L3MBTL1: variants seen among roughly 807,000 people sequenced by gnomAD.
L3MBTL1 encodes lethal(3)malignant brain tumor-like protein 1.
Under a neutral mutation model 105.3 loss-of-function variants are expected in L3MBTL1, and 75 were observed. The ratio of observed to expected loss-of-function variants is 0.71; its 90% CI spans 0.59 to 0.86. The LOEUF (loss-of-function observed/expected upper bound fraction) is 0.86. Ranked by LOEUF, L3MBTL1 falls within the 40% of genes least tolerant of loss-of-function variation. The probability of loss-of-function intolerance (pLI) is 0.00; values close to 1 mark genes in which losing one functional copy is unlikely to be tolerated. For missense variants in L3MBTL1, 1,069 were observed against 1,126.4 expected (o/e 0.95, Z 0.73); for synonymous variants, 452 against 436.2 (o/e 1.04, Z -0.45).
At chr20:43,546,297 G>C (rs1466899713), downstream of L3MBTL1, among the ~76,000 whole-genome samples, 1 of 152,206 alleles carries the variant, frequency 6.6e-6, no homozygotes, top group Non-Finnish European at 1.5e-5. Context: ...GGCCAGGCTT[G>C]GGCAGCATTG....
intron 7 of L3MBTL1, among the ~76,000 whole-genome samples, chr20:43,518,368 A>G (rs558217866): frequency 6.6e-6 from 1 of 152,242 alleles, no homozygotes; most frequent in East Asian, 1.9e-4. Context: ...TGTTCAATTC[A>G]CGTCCCACAG....
chr20:43,546,413 T>G (rs972535208), downstream of L3MBTL1, among the ~76,000 whole-genome samples: 20 of 152,196 alleles, frequency 1.3e-4, no homozygotes, highest in Admixed American at 3.9e-4. Context: ...TTGGGCAAAT[T>G]CTGTAGCCTG....
Position 43,514,171 on chromosome 20 carries a change from A to T in L3MBTL1, c.360+110A>T. On this transcript the variant is annotated intron_variant, in intron 3 of 21. Coordinates refer to ENST00000418998, the MANE Select transcript of L3MBTL1 (RefSeq NM_001377303.1). Reference sequence around the variant, plus strand: ...GAAGTGGGGGAAGCTGGCTCAGATGATGGGCCCTAGGGGTGGGCTTTGAGT... The same window carrying T: ...GAAGTGGGGGAAGCTGGCTCAGATGTTGGGCCCTAGGGGTGGGCTTTGAGT... 5 of 1,007,066 alleles carry T rather than the reference A, an allele frequency of 5.0e-6. No homozygotes were observed. The South Asian group carries it at 5.9e-5, about 12-fold the overall frequency. The allele number at this position is 1,007,066 out of a possible 1,614,324, so 62.4% of individuals were successfully genotyped here.
rs757497391 is a variant in L3MBTL1 at position 43,534,816 on chromosome 20, T to G, written c.1711-12T>G. 1.3e-6 allele frequency: 2 copies of G among 1,599,004 alleles called. No individual in the cohort carries two copies. The highest frequency in any genetic ancestry group is 3.5e-5 in the Admixed American group (2 of 57,620). ...GAGAAACGCCTGACTTCCAAGAGCC[T>G]TTCCTCCCCAGATCCACTTTGATGG... On this transcript the variant is annotated splice_polypyrimidine_tract_variant and intron_variant, in intron 15 of 21. Coordinates refer to ENST00000418998, the MANE Select transcript of L3MBTL1 (RefSeq NM_001377303.1).
In L3MBTL1 at chr20:43,530,802, C is replaced by G; in HGVS notation, c.1197C>G (p.Tyr399Ter). ...TGHKLQPPKG[Y>*]KEEEFSWSQY... is the part of the protein sequence containing the mutation. ...CATGCCCCTCGAGGGGCCTAGGTTA[C>G]AAGGAGGAGGAGTTCAGCTGGAGCC... Residue 399 changes from tyrosine to a stop codon, truncating the protein, a stop_gained, in exon 11 of 22, where the codon TAC (tyrosine) becomes TAG (stop). Coordinates refer to ENST00000418998, the MANE Select transcript of L3MBTL1 (RefSeq NM_001377303.1). LOFTEE classifies it high-confidence loss of function. 6 of 1,614,052 alleles carry G rather than the reference C, an allele frequency of 3.7e-6. No homozygotes were observed. The highest frequency in any genetic ancestry group is 5.1e-6 in the Non-Finnish European group (6 of 1,179,980).
At chr20:43,508,007 A>C (rs999976713) in intron 1 of L3MBTL1, among the ~76,000 whole-genome samples, 3 of 152,016 alleles carry the variant, frequency 2.0e-5, no homozygotes, top group African/African-American at 7.2e-5. Flanking sequence ...TGCGATCAGG[A>C]GGGGCGAGGA....
chr20:43,529,933 C>T (rs938343036), intron 9 of L3MBTL1, among the ~76,000 whole-genome samples: 11 of 152,176 alleles, frequency 7.2e-5, no homozygotes, highest in Non-Finnish European at 1.5e-4. Context: ...AAGCAGAGTG[C>T]GAGTGGGGAG....
intron 19 of L3MBTL1, chr20:43,538,913 G>A (rs1568928051): frequency 6.6e-6 from 1 of 152,426 alleles, no homozygotes; most frequent in Non-Finnish European, 1.5e-5. Context: ...GGTGCTAGTG[G>A]TGCTAGCTGT....
downstream of L3MBTL1, among the ~76,000 whole-genome samples, chr20:43,544,727 G>A (rs147504106): frequency 0.017 from 2,557 of 152,294 alleles, 66 homozygotes; most frequent in African/African-American, 0.059. Flanking sequence ...CAATTTGGGA[G>A]GCCAAGGCGG....
At position 43,541,348 on chromosome 20, in the gene L3MBTL1, ATCT is replaced by A; in HGVS notation, c.*225_*227del. 1.2e-6 allele frequency: 1 copy of A among 816,578 alleles called. No individual in the cohort carries two copies. Among genetic ancestry groups the A allele is most frequent in the African/African-American group, 1.7e-5 (1 of 57,804 alleles). The allele number at this position is 816,578 out of a possible 1,614,324, so 50.6% of individuals were successfully genotyped here. On this transcript the variant is annotated 3_prime_UTR_variant, in exon 22 of 22. Transcript: ENST00000418998. ...AGCTGTTTACTGTCTCTGAGCCTAC[ATCT>A]TCTTGTCTGTAAAATGGAGATAAAA...
intron 6 of L3MBTL1, 64 bp downstream of exon 6, chr20:43,515,479 C>A: frequency 6.6e-7 from 1 of 1,516,064 alleles, no homozygotes; most frequent in Non-Finnish European, 8.9e-7. Context: ...TCCCACTGTC[C>A]CCTCCATCAA....
intron 19 of L3MBTL1, 121 bp from the exon 20 acceptor site, chr20:43,540,030 A>G: frequency 8.9e-7 from 1 of 1,121,504 alleles, no homozygotes; most frequent in Non-Finnish European, 1.3e-6. Flanking sequence ...AGGCTGTCAG[A>G]AGGGGCCCGG....
chr20:43,529,171 G>A (rs1021525826), intron 8 of L3MBTL1, 93 bp from the exon 9 acceptor site: 3 of 856,374 alleles, frequency 3.5e-6, no homozygotes, highest in African/African-American at 3.4e-5. Flanking sequence ...TACCAGGCGG[G>A]TGGGGCCTAA....
Position 43,530,403 on chromosome 20 carries a change from G to C in L3MBTL1, c.1176G>C (p.Lys392Asn). 2 of 1,614,148 alleles carry C rather than the reference G, an allele frequency of 1.2e-6. No homozygotes were observed. Among genetic ancestry groups the C allele is most frequent in the Non-Finnish European group, 1.7e-6 (2 of 1,180,006 alleles). The part of the protein sequence containing the change: ...PAGWFEKTGH[K>N]LQPPKGYKEE... ...GCTGGTTCGAGAAGACGGGCCACAA[G>C]CTGCAGCCTCCCAAAGGTAAGGCCT... The change falls in exon 10 of 22, where the codon AAG becomes AAC. Residue 392 changes from lysine (K) to asparagine (N), a missense_variant. Physicochemically the swap from Lys to Asn is moderately conservative, Grantham distance 94. Coordinates refer to ENST00000418998, the MANE Select transcript of L3MBTL1 (RefSeq NM_001377303.1).
rs1391099619 is a variant in L3MBTL1 at position 43,515,944 on chromosome 20, G to A, written c.778-149G>A. 1.3e-5 allele frequency: 8 copies of A among 617,588 alleles called. No individual in the cohort carries two copies. The East Asian group carries it at 1.9e-4, about 15-fold the overall frequency. 38.3% of individuals were successfully genotyped at this position (617,588 alleles called of 1,614,324 possible). A position where few individuals can be genotyped will look rare whatever the true frequency, so the allele number is the denominator to read the frequency against. On this transcript the variant is annotated intron_variant, in intron 6 of 21. Coordinates refer to ENST00000418998, the MANE Select transcript of L3MBTL1 (RefSeq NM_001377303.1). ...TGATAGGGGGATGTCTGCTGGAGCT[G>A]CACTCCTGCTGGCGGCCTAGAAGAA...
intron 16 of L3MBTL1, 56 bp from the exon 17 acceptor site, chr20:43,535,781 C>T (rs1199042955): frequency 1.7e-6 from 2 of 1,176,692 alleles, no homozygotes; most frequent in Non-Finnish European, 2.4e-6. Flanking sequence ...CCTTCCGTGC[C>T]CCACACTCCC....
In L3MBTL1 at chr20:43,521,466, G is replaced by A. The variant is rs562308808; in HGVS notation, c.862+5289G>A. Among the ~76,000 whole-genome samples, 283 of 152,314 alleles carry A rather than the reference G, an allele frequency of 1.9e-3. 2 individuals carry two copies. The highest frequency in any genetic ancestry group is 6.6e-3 in the African/African-American group (273 of 41,560). On this transcript the variant is annotated intron_variant, in intron 7 of 21. Transcript: ENST00000418998. ...CTAGGTTTGCACCATTGAGGAGCAG[G>A]GTTGAGGCAGGAGGAGAAAGAAGAA...
At chr20:43,532,667 A>T in intron 11 of L3MBTL1, 106 bp from the exon 12 acceptor site, 1 of 1,232,452 alleles carries the variant, frequency 8.1e-7, no homozygotes, top group Non-Finnish European at 1.1e-6. Flanking sequence ...CTCACTGCCC[A>T]CACCCCAGGC....
chr20:43,527,124 A>G (rs2019074147), intron 7 of L3MBTL1, among the ~76,000 whole-genome samples: 1 of 152,200 alleles, frequency 6.6e-6, no homozygotes, highest in African/African-American at 2.4e-5. Context: ...AAGACCCAGG[A>G]AGCACTGGTA....
Sources: gnomAD v4.1 joint callset for allele counts (sites outside exome capture counted in the v4.1 genomes callset) on GRCh38, gnomAD v4.1.1 for gene constraint, MANE v1.5 for transcripts, NCBI Gene and HGNC (gene_info 2026-07-23, HGNC 2026-07-21) for gene names.